Variants in ACOX3 observed in about 807,000 individuals in gnomAD.
ACOX3 encodes peroxisomal acyl-coenzyme A oxidase 3.
A neutral mutation model predicts 81.5 loss-of-function variants in ACOX3; 73 were observed. That is an observed-to-expected ratio of 0.90 (90% CI 0.74 to 1.09). The LOEUF (loss-of-function observed/expected upper bound fraction) is 1.09, where lower values mean the gene tolerates loss of function less well. Ranked by LOEUF, ACOX3 falls within the 50% of genes least tolerant of loss-of-function variation. The pLI is 0.00. For synonymous variants in ACOX3, 387 were observed against 375.1 expected, an observed-to-expected ratio of 1.03 and a Z score of -0.37; for missense variants, 947 against 928.0, an observed-to-expected ratio of 1.02 and a Z score of -0.27.
intron 1 of ACOX3, among the ~76,000 whole-genome samples, chr4:8,421,159 C>T (rs1257038339): frequency 1.3e-4 from 20 of 152,288 alleles, no homozygotes; most frequent in Non-Finnish European, 2.2e-4. Flanking sequence ...TTCTCCAAAG[C>T]GGTGAGTAAT....
In ACOX3 at chr4:8,394,873, CAT is replaced by C. The variant is rs1459044193; in HGVS notation, c.1057-133_1057-132del. ...CACCCACTAGCGCTGAAGGTCTTCA[CAT>C]GTCTTCCCGGCACATCAGAAAGCCT... On this transcript the variant is annotated intron_variant, in intron 9 of 17. Transcript: ENST00000356406. This position sits in a 1 kb window ranked among gnomAD's most constrained non-coding sequence, Gnocchi z 5.9. 1.3e-5 allele frequency: 16 copies of C among 1,240,630 alleles called. No homozygotes were observed. The East Asian group carries it at 1.6e-4, about 12-fold the overall frequency. 76.9% of individuals were successfully genotyped at this position (1,240,630 alleles called of 1,614,324 possible).
At chr4:8,412,511 G>A (rs1178577662) in intron 5 of ACOX3, among the ~76,000 whole-genome samples, 1 of 152,102 alleles carries the variant, frequency 6.6e-6, no homozygotes, top group Non-Finnish European at 1.5e-5. Context: ...TGGATGGATG[G>A]AAGGATGAAT....
chr4:8,405,662 G>A lies in ACOX3; in HGVS notation c.776+293C>T, dbSNP rs1478587579. 6.6e-6 allele frequency among the ~76,000 whole-genome samples: 1 copy of A among 152,236 alleles called. No homozygotes were observed. The highest frequency in any genetic ancestry group is 1.5e-5 in the Non-Finnish European group (1 of 68,036). On this transcript the variant is annotated intron_variant, in intron 7 of 17. Transcript: ENST00000356406. This position sits in a 1 kb window ranked among gnomAD's most constrained non-coding sequence, Gnocchi z 7.1. ...CTCACACAGAGGAGGCAGCCCCCCA[G>A]GCAGGGGCCCCACCAGTTGTACACA...
chr4:8,370,305 G>T lies in ACOX3; in HGVS notation c.1983+603C>A, dbSNP rs1316272390. Among the ~76,000 whole-genome samples, 2 of 152,032 alleles carry T rather than the reference G, an allele frequency of 1.3e-5. No individual in the cohort carries two copies. The highest frequency in any genetic ancestry group is 2.9e-5 in the Non-Finnish European group (2 of 67,992). On this transcript the variant is annotated intron_variant, in intron 17 of 17. Transcript: ENST00000356406. This position sits in a 1 kb window ranked among gnomAD's most constrained non-coding sequence, Gnocchi z 6.3. The stretch of plus-strand genomic sequence containing the variant: ...GATTCAGTGGCTGTGTGGGGCTGGG[G>T]CGTGGCAGGCAGTCGAGGAGGCTGG...
chr4:8,411,120 G>A (rs1262321543), intron 5 of ACOX3, among the ~76,000 whole-genome samples: 1 of 152,236 alleles, frequency 6.6e-6, no homozygotes, highest in South Asian at 2.1e-4. Context: ...CGGACCAGCA[G>A]TGCTGCATAA....
chr4:8,416,416 C>T lies in ACOX3; in HGVS notation c.106G>A (p.Ala36Thr). ...ATGCCCTCCCCTTCCGTGAACAGCG[C>T]CAGCTCCTTCCAGCTGAAGGACGCT... ...ARASFSWKEL[A>T]LFTEGEGMLR... The change falls in exon 2 of 18, where the codon GCG becomes ACG. Residue 36 changes from alanine (A) to threonine (T), a missense_variant. Ala to Thr is a moderately conservative substitution (Grantham distance 58). Coordinates refer to ENST00000356406, the MANE Select transcript of ACOX3 (RefSeq NM_003501.3). The surrounding 1 kb of genome is among the most constrained non-coding windows in gnomAD (Gnocchi z 4.2). The T allele has an allele frequency of 6.2e-7, 1 of 1,614,230 alleles. No homozygotes were observed. The highest frequency in any genetic ancestry group is 8.5e-7 in the Non-Finnish European group (1 of 1,180,046).
In ACOX3 at chr4:8,430,202, A is replaced by G. The variant is rs1043062057; in HGVS notation, c.-15+10446T>C. Reference sequence around the variant, plus strand: ...TTTAAACAGACATATAATTATGGGTATCAGTGGGAGCGTCCGATTGCAAAA... The same window carrying G: ...TTTAAACAGACATATAATTATGGGTGTCAGTGGGAGCGTCCGATTGCAAAA... On this transcript the variant is annotated intron_variant, in intron 1 of 17. Coordinates refer to ENST00000356406, the MANE Select transcript of ACOX3 (RefSeq NM_003501.3). The surrounding 1 kb of genome is among the most constrained non-coding windows in gnomAD (Gnocchi z 5.2). 6.6e-6 allele frequency among the ~76,000 whole-genome samples: 1 copy of G among 152,238 alleles called. No individual in the cohort carries two copies. The highest frequency in any genetic ancestry group is 1.5e-5 in the Non-Finnish European group (1 of 68,044).
intron 15 of ACOX3, chr4:8,374,570 A>ATCCTCCAGGAATCAGCCCCAGCACCCCC: frequency 5.6e-6 from 1 of 177,316 alleles, no homozygotes; most frequent in South Asian, 2.0e-4. Context: ...ATTCCCACCA[A>ATCCTCCAGGAATCAGCCCCAGCACCCCC]TCCTCCAGGA....
At chr4:8,373,436 G>A (rs992202360) in intron 16 of ACOX3, 125 bp downstream of exon 16, 8 of 963,182 alleles carry the variant, frequency 8.3e-6, no homozygotes, top group Admixed American at 2.1e-5. Flanking sequence ...CGCTAAGGGG[G>A]TGCGTGTCAG....
Position 8,440,654 on chromosome 4 carries a change from A to G in ACOX3, c.-21T>C. On this transcript the variant is annotated 5_prime_UTR_variant, in exon 1 of 18. Coordinates refer to ENST00000356406, the MANE Select transcript of ACOX3 (RefSeq NM_003501.3). ...CACAGGTCAAATTCCTCACCCACAC[A>G]CTCCACAGTTCAACCCCTGCCAGGG... The G allele has an allele frequency of 1.3e-6, 1 of 764,376 alleles. No individual in the cohort carries two copies. The highest frequency in any genetic ancestry group is 1.9e-6 in the Non-Finnish European group (1 of 519,964). 47.3% of individuals were successfully genotyped at this position (764,376 alleles called of 1,614,324 possible).
At chr4:8,415,605 AT>A (rs1398132528) in intron 3 of ACOX3, among the ~76,000 whole-genome samples, 160 bp downstream of exon 3, 4 of 152,054 alleles carry the variant, frequency 2.6e-5, no homozygotes, top group South Asian at 4.2e-4. Context: ...GGGGACTGAA[AT>A]TTTTTTAAAA....
intron 8 of ACOX3, among the ~76,000 whole-genome samples, chr4:8,398,828 C>T (rs911210132): frequency 2.0e-5 from 3 of 152,158 alleles, no homozygotes; most frequent in African/African-American, 7.2e-5. Context: ...GCTTCCAATC[C>T]CTAATTCATC....
In ACOX3 at chr4:8,377,294, G is replaced by A. The variant is rs115039822; in HGVS notation, c.1654-2142C>T. On this transcript the variant is annotated intron_variant, in intron 14 of 17. Coordinates refer to ENST00000356406, the MANE Select transcript of ACOX3 (RefSeq NM_003501.3). ...CGTCGCCTGCACAGTTGCTGTGTTA[G>A]AGCGGCACTGCTTCAGTGTTTTTCC... 2.3e-3 allele frequency among the ~76,000 whole-genome samples: 354 copies of A among 152,266 alleles called. 4 individuals carry two copies. Among genetic ancestry groups the A allele is most frequent in the African/African-American group, 8.3e-3 (346 of 41,516 alleles).
intron 16 of ACOX3, among the ~76,000 whole-genome samples, chr4:8,372,544 C>G (rs111619339): frequency 3.9e-5 from 6 of 152,286 alleles, no homozygotes; most frequent in African/African-American, 1.4e-4. Flanking sequence ...TTGGAGGAGC[C>G]AAGGAAAACC....
rs1041933145 is a variant in ACOX3, at chr4:8,382,758, A to C, written c.1538-1151T>G. On this transcript the variant is annotated intron_variant, in intron 13 of 17. Transcript: ENST00000356406. The surrounding 1 kb of genome is among the most constrained non-coding windows in gnomAD (Gnocchi z 4.1). ...CTGTAATCCCAGCACTTTGGGAGGC[A>C]GAGGCGGGCGGATCACGAGGTCAGG... 2.6e-5 allele frequency among the ~76,000 whole-genome samples: 4 copies of C among 151,956 alleles called. No homozygotes were observed. Among genetic ancestry groups the C allele is most frequent in the South Asian group, 4.2e-4 (2 of 4,812 alleles).
Position 8,407,922 on chromosome 4 carries a change from C to T in ACOX3, c.688-1879G>A, listed in dbSNP as rs904249350. On this transcript the variant is annotated intron_variant, in intron 6 of 17. Transcript: ENST00000356406. This position sits in a 1 kb window ranked among gnomAD's most constrained non-coding sequence, Gnocchi z 4.6. ...TCTGGAGAGATTCTGGTTGTGTTAACTGCAGGAAGCTATGGCACAGAATGG... is the reference window on the plus strand; with the variant it reads ...TCTGGAGAGATTCTGGTTGTGTTAATTGCAGGAAGCTATGGCACAGAATGG... 2.0e-5 allele frequency among the ~76,000 whole-genome samples: 3 copies of T among 152,338 alleles called. No homozygotes were observed. The highest frequency in any genetic ancestry group is 4.4e-5 in the Non-Finnish European group (3 of 68,036).
In ACOX3 at chr4:8,384,211, T is replaced by C. The variant is rs1374623709; in HGVS notation, c.1538-2604A>G. Among the ~76,000 whole-genome samples the C allele has an allele frequency of 6.6e-6, 1 of 152,244 alleles. No homozygotes were observed. Among genetic ancestry groups the C allele is most frequent in the African/African-American group, 2.4e-5 (1 of 41,458 alleles). ...AGAGGGACGCTTGAGAAATGAGTTA[T>C]GTTTGCACTGTGTTTTTTCCTTACA... On this transcript the variant is annotated intron_variant, in intron 13 of 17. Transcript: ENST00000356406. This position sits in a 1 kb window ranked among gnomAD's most constrained non-coding sequence, Gnocchi z 5.3.
intron 1 of ACOX3, among the ~76,000 whole-genome samples, chr4:8,429,502 T>C (rs760872778): frequency 5.8e-4 from 88 of 152,316 alleles, no homozygotes; most frequent in African/African-American, 1.9e-3. Flanking sequence ...TTCCTGGGAA[T>C]TGCGGATATT....
chr4:8,440,461 GA>G (rs1346058764), intron 1 of ACOX3, among the ~76,000 whole-genome samples, 186 bp downstream of exon 1: 4 of 152,198 alleles, frequency 2.6e-5, no homozygotes, highest in Non-Finnish European at 1.5e-5. Context: ...CCCAAGTGGA[GA>G]AAAGTTAGCT....
Sources: allele counts gnomAD v4.1 joint callset (sites outside exome capture counted in the v4.1 genomes callset), GRCh38; gene constraint gnomAD v4.1.1; non-coding constraint Gnocchi (gnomAD v3.1); transcripts MANE v1.5; gene names NCBI Gene and HGNC (gene_info 2026-07-23, HGNC 2026-07-21).